The following LAIR1 variants were observed in gnomAD, a reference collection of about 807,000 sequenced individuals.
LAIR1 encodes the protein leukocyte associated immunoglobulin like receptor 1, also known as leukocyte-associated immunoglobulin-like receptor 1.
In LAIR1, 24 loss-of-function variants were observed where a neutral mutation model predicts 32.8. The observed-to-expected ratio is 0.73, with a 90% CI of 0.53 to 1.03. LAIR1 has a LOEUF of 1.03. Among genes scored for constraint, LAIR1 ranks in the 50% least tolerant of loss-of-function variants. The pLI, the probability that LAIR1 is intolerant of heterozygous loss-of-function variation, is 0.00. For missense variants in LAIR1, 355 were observed against 347.5 expected, an observed-to-expected ratio of 1.02 and a Z score of -0.17; for synonymous variants, 150 against 140.5, an observed-to-expected ratio of 1.07 and a Z score of -0.48.
chr19:54,357,227 C>T, intron 4 of LAIR1: 2 of 527,910 alleles, frequency 3.8e-6, no homozygotes, highest in Non-Finnish European at 6.8e-6. Flanking sequence ...GCTGCACCGT[C>T]TGCACCTCCA....
chr19:54,361,239 G>A (rs760525802), intron 2 of LAIR1, 30 bp from the exon 3 acceptor site: 22 of 1,609,030 alleles, frequency 1.4e-5, no homozygotes, highest in South Asian at 7.7e-5. Flanking sequence ...GGATCTCAGC[G>A]TCCACTGTAG....
At chr19:54,358,653 T>C in intron 4 of LAIR1, 5 of 1,527,342 alleles carry the variant, frequency 3.3e-6, no homozygotes, top group Non-Finnish European at 4.5e-6. Flanking sequence ...TTCCTCAGTA[T>C]TAATAGGAGC....
At chr19:54,375,179 G>A (rs567972089), upstream of LAIR1, among the ~76,000 whole-genome samples, 6 of 152,250 alleles carry the variant, frequency 3.9e-5, no homozygotes, top group South Asian at 4.1e-4. Flanking sequence ...CTCCCTCTTC[G>A]ATCGCTAAGC....
upstream of LAIR1, among the ~76,000 whole-genome samples, chr19:54,366,527 T>C (rs1244009617): frequency 1.3e-5 from 2 of 152,108 alleles, no homozygotes; most frequent in Non-Finnish European, 2.9e-5. Flanking sequence ...CTCGCTCTGT[T>C]GCCCAGGCTG....
rs866923633 is a variant in LAIR1, at chr19:54,356,947, C to T, written c.435G>A (p.Ser145=). The T allele has an allele frequency of 1.9e-6, 3 of 1,613,760 alleles. No homozygotes were observed. In the South Asian group the frequency reaches 3.3e-5, roughly 18 times the overall value. ...ACTCACGCTCATTGTGACTGTTGTCCGACGGCCTCTGCGTGGGTCCTGGGA... is the reference window on the plus strand; with the variant it reads ...ACTCACGCTCATTGTGACTGTTGTCTGACGGCCTCTGCGTGGGTCCTGGGA... ...GSSAGPTQRP[S]DNSHNEHAPA... The change falls in exon 5 of 10, where the codon TCG becomes TCA. Residue 145 remains serine, a synonymous_variant. Coordinates refer to ENST00000391742, the MANE Select transcript of LAIR1 (RefSeq NM_002287.6).
chr19:54,372,435 C>T (rs376467467), upstream of LAIR1, among the ~76,000 whole-genome samples: 2 of 151,204 alleles, frequency 1.3e-5, no homozygotes, highest in South Asian at 2.1e-4. Flanking sequence ...TCCTGTCCCA[C>T]AGCCTCAGAG....
chr19:54,373,228 G>A (rs1218616591), upstream of LAIR1, among the ~76,000 whole-genome samples: 1 of 151,204 alleles, frequency 6.6e-6, no homozygotes, highest in Non-Finnish European at 1.5e-5. Flanking sequence ...AGATCACGAG[G>A]TCAGGTGATC....
intron 2 of LAIR1, among the ~76,000 whole-genome samples, chr19:54,362,319 T>A (rs1324342544): frequency 6.6e-6 from 1 of 152,134 alleles, no homozygotes; most frequent in Non-Finnish European, 1.5e-5. Context: ...ACCCACCCAT[T>A]TGTTCATTTT....
upstream of LAIR1, among the ~76,000 whole-genome samples, chr19:54,374,388 G>C (rs1298566120): frequency 6.6e-6 from 1 of 152,264 alleles, no homozygotes; most frequent in South Asian, 2.1e-4. Context: ...CAAGGGTGAC[G>C]GCCTTCTCCC....
At chr19:54,357,168 T>C in intron 4 of LAIR1, 1 of 574,100 alleles carries the variant, frequency 1.7e-6, no homozygotes, top group Non-Finnish European at 3.1e-6. Context: ...GAGTCACACA[T>C]AGCTATTGAT....
rs573145116 is a variant in LAIR1 at position 54,358,643 on chromosome 19, T to A, written c.415+1379A>T. The A allele has an allele frequency of 6.4e-6, 10 of 1,561,388 alleles. No individual in the cohort carries two copies. The Admixed American group carries it at 6.8e-5, about 11-fold the overall frequency. On this transcript the variant is annotated intron_variant, in intron 4 of 9. Transcript: ENST00000391742. ...CACAGTCCCTGTGAGGACAAAATAC[T>A]TCCTCAGTATTAATAGGAGCATCCC... is the stretch of plus-strand genomic sequence containing the variant.
chr19:54,375,574 G>A, the LAIR1 span, among the ~76,000 whole-genome samples: 1 of 152,174 alleles, frequency 6.6e-6, no homozygotes, highest in Non-Finnish European at 1.5e-5. Context: ...GGGCAACCAC[G>A]GCTGTGGGGT....
At chr19:54,370,290 A>C (rs1420928132) in exon 1 of LAIR1, 1 of 1,544,060 alleles carries the variant, frequency 6.5e-7, no homozygotes, top group Admixed American at 2.0e-5. Context: ...TCTGTCGCGG[A>C]TGCAACCCTG....
intron 4 of LAIR1, among the ~76,000 whole-genome samples, chr19:54,359,629 G>C (rs2122450602): frequency 6.6e-6 from 1 of 152,394 alleles, no homozygotes; most frequent in East Asian, 1.9e-4. Context: ...GTGGAGCTCG[G>C]GCGAGCCCGG....
chr19:54,366,224 A>G (rs2082248173), upstream of LAIR1, among the ~76,000 whole-genome samples: 1 of 152,222 alleles, frequency 6.6e-6, no homozygotes, highest in Non-Finnish European at 1.5e-5. Flanking sequence ...TGTTAACGGA[A>G]TAGACCTCAT....
chr19:54,371,547 C>T (rs1374289593), upstream of LAIR1, among the ~76,000 whole-genome samples: 1 of 151,508 alleles, frequency 6.6e-6, no homozygotes, highest in African/African-American at 2.4e-5. Context: ...GATCTGCCCG[C>T]CTCAGCCTCC....
Position 54,354,956 on chromosome 19 carries a change from G to T in LAIR1, c.*312C>A, listed in dbSNP as rs1301766479. The T allele has an allele frequency of 3.3e-6, 1 of 302,034 alleles. No individual in the cohort carries two copies. The highest frequency in any genetic ancestry group is 2.2e-5 in the African/African-American group (1 of 46,370). 18.7% of individuals were successfully genotyped at this position (302,034 alleles called of 1,614,324 possible). A position where few individuals can be genotyped will look rare whatever the true frequency, so the allele number is the denominator to read the frequency against. On this transcript the variant is annotated 3_prime_UTR_variant, in exon 10 of 10. Coordinates refer to ENST00000391742, the MANE Select transcript of LAIR1 (RefSeq NM_002287.6). ...TAGAACAGGCAGGTGACTTTAGCTG[G>T]GTCTCTGGAAACAGTCAGGTGAATA...
intron 4 of LAIR1, 69 bp from the exon 5 acceptor site, chr19:54,357,035 C>T: frequency 3.4e-6 from 5 of 1,453,034 alleles, no homozygotes; most frequent in Non-Finnish European, 4.8e-6. Context: ...TCTGAGTCCT[C>T]CCACATCCAC....
chr19:54,361,555 C>T (rs1435727689), intron 2 of LAIR1, among the ~76,000 whole-genome samples: 6 of 151,848 alleles, frequency 4.0e-5, no homozygotes, highest in Admixed American at 1.3e-4. Flanking sequence ...GGGAGGGAGG[C>T]ACAGGATGGG....
Sources: gnomAD v4.1 joint callset for allele counts (sites outside exome capture counted in the v4.1 genomes callset) on GRCh38, gnomAD v4.1.1 for gene constraint, MANE v1.5 for transcripts, NCBI Gene and HGNC (gene_info 2026-07-23, HGNC 2026-07-21) for gene names.